TTC28: variants seen among roughly 807,000 people sequenced by gnomAD.
TTC28 encodes tetratricopeptide repeat domain 28, also known as tetratricopeptide repeat protein 28.
TTC28 carries 61 observed loss-of-function variants against 198.0 expected under a neutral mutation model. That is an observed-to-expected ratio of 0.31 (90% CI 0.25 to 0.38). The LOEUF is 0.38. Ranked by LOEUF, TTC28 falls within the 10% of genes least tolerant of loss-of-function variation. The pLI, the probability that TTC28 is intolerant of heterozygous loss-of-function variation, is 1.00. For missense variants in TTC28, 2,678 were observed against 3,164.0 expected (o/e 0.85, Z 3.69); for synonymous variants, 1,171 against 1,297.8 (o/e 0.90, Z 2.10).
intron 2 of TTC28, among the ~76,000 whole-genome samples, chr22:28,411,577 C>G (rs1256030686): frequency 6.6e-6 from 1 of 152,138 alleles, no homozygotes; most frequent in Non-Finnish European, 1.5e-5. Flanking sequence ...AGAACTACAT[C>G]CTTTCCAAAA....
In TTC28 at chr22:28,209,598, T is replaced by G. The variant is rs555926267; in HGVS notation, c.934-45999A>C. Among the ~76,000 whole-genome samples the G allele has an allele frequency of 1.4e-3, 216 of 152,298 alleles. 1 individual carries two copies. The highest frequency in any genetic ancestry group is 4.8e-3 in the African/African-American group (201 of 41,570). On this transcript the variant is annotated intron_variant, in intron 5 of 22. Coordinates refer to ENST00000397906, the MANE Select transcript of TTC28 (RefSeq NM_001145418.2). ...GCAGCGAGGCTGGGGGAGGGGCGTCTGCCATTGCTGAGTCTTGAGTAGGTA... is the reference window on the plus strand; with the variant it reads ...GCAGCGAGGCTGGGGGAGGGGCGTCGGCCATTGCTGAGTCTTGAGTAGGTA...
intron 2 of TTC28, among the ~76,000 whole-genome samples, chr22:28,554,183 G>C (rs546822788): frequency 2.0e-5 from 3 of 151,824 alleles, no homozygotes; most frequent in Non-Finnish European, 4.4e-5. Context: ...CAGCATGCTG[G>C]TTAAGAGTCA....
At chr22:27,992,810 T>C (rs1300241012) in intron 18 of TTC28, 147 bp from the exon 19 acceptor site, 2 of 770,706 alleles carry the variant, frequency 2.6e-6, no homozygotes, top group Non-Finnish European at 4.1e-6. Context: ...TGTCTGTGTG[T>C]GCCTTGGAAA....
At chr22:28,536,360 C>T (rs1310866530) in intron 2 of TTC28, among the ~76,000 whole-genome samples, 1 of 151,962 alleles carries the variant, frequency 6.6e-6, no homozygotes, top group East Asian at 1.9e-4. Context: ...CGCGGTGGCT[C>T]ACGCCTGTAA....
intron 1 of TTC28, among the ~76,000 whole-genome samples, chr22:28,644,614 C>T (rs1281126270): frequency 6.6e-6 from 1 of 151,972 alleles, no homozygotes; most frequent in Non-Finnish European, 1.5e-5. Context: ...CACTTGAGCT[C>T]AGGAGTTCAA....
chr22:28,285,952 C>A (rs1292429048), intron 5 of TTC28, among the ~76,000 whole-genome samples: 1 of 151,892 alleles, frequency 6.6e-6, no homozygotes, highest in Non-Finnish European at 1.5e-5. Context: ...CAGTACAAAA[C>A]AATGTAGTTG....
At chr22:28,451,827 T>C (rs2047782346) in intron 2 of TTC28, among the ~76,000 whole-genome samples, 1 of 152,168 alleles carries the variant, frequency 6.6e-6, no homozygotes. Flanking sequence ...GCCACAGCTA[T>C]AGTGCATGTG....
chr22:28,030,146 G>T, intron 13 of TTC28, 80 bp downstream of exon 13: 1 of 1,504,252 alleles, frequency 6.6e-7, no homozygotes. Flanking sequence ...CAGCTGGAAG[G>T]AGCATCCACT....
At chr22:27,991,788 G>T (rs1485406161) in intron 19 of TTC28, among the ~76,000 whole-genome samples, 1 of 152,174 alleles carries the variant, frequency 6.6e-6, no homozygotes, top group Non-Finnish European at 1.5e-5. Context: ...GTACTGAGAA[G>T]CTCCCAGGCC....
At chr22:28,043,196 T>A (rs988262550) in intron 12 of TTC28, among the ~76,000 whole-genome samples, 1 of 115,624 alleles carries the variant, frequency 8.6e-6, no homozygotes, top group African/African-American at 3.4e-5. Flanking sequence ...TGAGCCAAGA[T>A]CACGCCACTG....
chr22:27,985,429 G>A (rs1937177099), intron 21 of TTC28, 73 bp from the exon 22 acceptor site: 2 of 1,209,140 alleles, frequency 1.7e-6, no homozygotes, highest in East Asian at 2.6e-5. Context: ...GCGCTATAGG[G>A]CTCCTTGTGC....
intron 6 of TTC28, among the ~76,000 whole-genome samples, chr22:28,161,723 GAGGAC>G (rs558079633): frequency 0.083 from 11,899 of 144,078 alleles, 563 homozygotes; most frequent in South Asian, 0.1. Context: ...GGAAAGGAAA[GAGGAC>G]AGGACAGGAC....
chr22:28,461,672 G>A (rs1430651317), intron 2 of TTC28, among the ~76,000 whole-genome samples: 2 of 151,970 alleles, frequency 1.3e-5, no homozygotes, highest in African/African-American at 4.8e-5. Context: ...CAAGTAATCT[G>A]CCCACCTTGG....
intron 2 of TTC28, among the ~76,000 whole-genome samples, chr22:28,388,129 A>T (rs2046646454): frequency 6.6e-6 from 1 of 152,070 alleles, no homozygotes; most frequent in African/African-American, 2.4e-5. Flanking sequence ...TGTTTTTCTC[A>T]GGTTTGTCAA....
intron 5 of TTC28, among the ~76,000 whole-genome samples, chr22:28,233,221 T>A (rs6005747): frequency 4.3e-4 from 66 of 152,336 alleles, no homozygotes; most frequent in African/African-American, 1.4e-3. Context: ...ATAATTTTTT[T>A]AAAAATCAAG....
chr22:28,084,079 CT>C (rs1941467932), intron 12 of TTC28, among the ~76,000 whole-genome samples: 4 of 152,234 alleles, frequency 2.6e-5, no homozygotes. Flanking sequence ...GGCTCCACCT[CT>C]GGGGGCAGGG....
intron 2 of TTC28, among the ~76,000 whole-genome samples, chr22:28,314,135 C>G (rs959473683): frequency 2.6e-5 from 4 of 152,066 alleles, no homozygotes; most frequent in African/African-American, 9.7e-5. Context: ...GAATAAAATA[C>G]CTAGGAATAT....
At chr22:28,439,571 G>A (rs1465547646) in intron 2 of TTC28, among the ~76,000 whole-genome samples, 1 of 152,124 alleles carries the variant, frequency 6.6e-6, no homozygotes, top group South Asian at 2.1e-4. Context: ...ATGTGACTGG[G>A]TAAGTCACTT....
At chr22:28,541,935 A>G (rs1288743088) in intron 2 of TTC28, among the ~76,000 whole-genome samples, 3 of 152,040 alleles carry the variant, frequency 2.0e-5, no homozygotes, top group African/African-American at 7.2e-5. Flanking sequence ...AAGGTCTTTC[A>G]AAAATCAGCT....
Sources: gnomAD v4.1 joint callset for allele counts (sites outside exome capture counted in the v4.1 genomes callset) on GRCh38, gnomAD v4.1.1 for gene constraint, MANE v1.5 for transcripts, NCBI Gene and HGNC (gene_info 2026-07-23, HGNC 2026-07-21) for gene names.